Variants in CCDC7 observed in about 807,000 individuals in gnomAD.
CCDC7 encodes the protein coiled-coil domain containing 7.
A neutral mutation model predicts 196.9 loss-of-function variants in CCDC7; 183 were observed. That is an observed-to-expected ratio of 0.93 (90% CI 0.82 to 1.05). The LOEUF (loss-of-function observed/expected upper bound fraction) is 1.05, where lower values mean the gene tolerates loss of function less well. Ranked by LOEUF, CCDC7 falls within the 50% of genes least tolerant of loss-of-function variation. CCDC7 has a pLI of 0.00. For synonymous variants in CCDC7, 525 were observed against 484.6 expected, an observed-to-expected ratio of 1.08 and a Z score of -1.10; for missense variants, 1,540 against 1,482.2, an observed-to-expected ratio of 1.04 and a Z score of -0.64.
At chr10:32,703,108 A>G (rs540271425) in intron 24 of CCDC7, among the ~76,000 whole-genome samples, 1 of 152,288 alleles carries the variant, frequency 6.6e-6, no homozygotes, top group East Asian at 1.9e-4. Context: ...TCTTCCTAGC[A>G]TTGATGGTCT....
rs536166496 is a variant in CCDC7, at chr10:32,606,392, C to G, written c.1801+22088C>G. Reference sequence around the variant, plus strand: ...CACAGAGTCCCCAACAGGGTACTGCCTAGTGGAGTTATGGGAAGGGGCACT... The same window carrying G: ...CACAGAGTCCCCAACAGGGTACTGCGTAGTGGAGTTATGGGAAGGGGCACT... On this transcript the variant is annotated intron_variant, in intron 18 of 41. Transcript: ENST00000639629. 2.0e-5 allele frequency among the ~76,000 whole-genome samples: 3 copies of G among 152,320 alleles called. No individual in the cohort carries two copies. The South Asian group carries it at 6.2e-4, about 32-fold the overall frequency.
chr10:32,451,715 G>A lies in CCDC7; in HGVS notation c.73G>A (p.Gly25Arg), dbSNP rs201020026. ...TGTTCCAGCATTAACTACTAAAAAA[G>A]GACTACATAATTTACCATTATCACC... The change falls in exon 1 of 42, where the codon GGA (glycine) becomes AGA (arginine). Residue 25 changes from glycine to arginine, a missense_variant. By Grantham distance (125) the Gly-to-Arg change is moderately radical (BLOSUM62 -2). Coordinates refer to ENST00000639629, the Ensembl canonical transcript of CCDC7. 3 of 1,613,122 alleles carry A rather than the reference G, an allele frequency of 1.9e-6. No individual in the cohort carries two copies. Among genetic ancestry groups the A allele is most frequent in the Middle Eastern group, 1.7e-4 (1 of 6,054 alleles).
intron 20 of CCDC7, among the ~76,000 whole-genome samples, chr10:32,662,704 C>G (rs1227348327): frequency 6.6e-6 from 1 of 152,090 alleles, no homozygotes; most frequent in Non-Finnish European, 1.5e-5. Flanking sequence ...ATACTGGTGT[C>G]TTGGCAGTAG....
Position 32,777,654 on chromosome 10 carries a change from C to T in CCDC7, c.2906-1323C>T, listed in dbSNP as rs562972149. On this transcript the variant is annotated intron_variant, in intron 28 of 41. Coordinates refer to ENST00000639629, the Ensembl canonical transcript of CCDC7. Reference sequence around the variant, plus strand: ...GGTGGATCACTTGAGATCAAGAGTTCGAAACCAACCAGGCCAACATGGTGA... The same window carrying T: ...GGTGGATCACTTGAGATCAAGAGTTTGAAACCAACCAGGCCAACATGGTGA... 3.3e-5 allele frequency among the ~76,000 whole-genome samples: 5 copies of T among 151,870 alleles called. 1 individual carries two copies. The South Asian group carries it at 1.0e-3, about 32-fold the overall frequency.
intron 13 of CCDC7, among the ~76,000 whole-genome samples, chr10:32,561,508 G>A (rs536249809): frequency 4.5e-4 from 67 of 149,708 alleles, no homozygotes; most frequent in Middle Eastern, 3.5e-3. Context: ...ACTCAAAACC[G>A]CTCAACTACA....
chr10:32,558,188 G>T (rs1479725210), intron 13 of CCDC7, among the ~76,000 whole-genome samples: 1 of 151,942 alleles, frequency 6.6e-6, no homozygotes, highest in African/African-American at 2.4e-5. Flanking sequence ...TTCTTCAAAT[G>T]TCAAGTATTT....
In CCDC7 at chr10:32,589,187, A is replaced by G. The variant is rs192647840; in HGVS notation, c.1801+4883A>G. On this transcript the variant is annotated intron_variant, in intron 18 of 41. Coordinates refer to ENST00000639629, the Ensembl canonical transcript of CCDC7. ...CTGGTTAACCATCCTTCTACTCTCA[A>G]TGTCCATCCATGAGTTCAATTGTTT... is the stretch of plus-strand genomic sequence containing the variant. 1.9e-3 allele frequency among the ~76,000 whole-genome samples: 282 copies of G among 152,058 alleles called. 2 individuals carry two copies. The highest frequency in any genetic ancestry group is 3.0e-3 in the Non-Finnish European group (204 of 67,966).
intron 29 of CCDC7, among the ~76,000 whole-genome samples, chr10:32,798,914 C>T (rs1275888108): frequency 6.6e-6 from 1 of 152,194 alleles, no homozygotes; most frequent in Non-Finnish European, 1.5e-5. Context: ...TCATAGGGAA[C>T]TCCCCATGGG....
At chr10:32,856,049 C>G (rs1183127969) in intron 41 of CCDC7, among the ~76,000 whole-genome samples, 1 of 152,100 alleles carries the variant, frequency 6.6e-6, no homozygotes, top group Non-Finnish European at 1.5e-5. Context: ...ACGTTGTGCC[C>G]TTTATCTTAC....
chr10:32,834,660 CTT>C (rs5784305), intron 32 of CCDC7, among the ~76,000 whole-genome samples, 153 bp from the exon 34 acceptor site: 4 of 143,816 alleles, frequency 2.8e-5, no homozygotes, highest in Non-Finnish European at 3.1e-5. Flanking sequence ...CAGTCCAGTG[CTT>C]TTTTTTTTTT....
intron 24 of CCDC7, among the ~76,000 whole-genome samples, chr10:32,695,722 T>C (rs1192922345): frequency 2.6e-5 from 4 of 152,062 alleles, no homozygotes; most frequent in Admixed American, 1.3e-4. Flanking sequence ...ACATTAAAGG[T>C]GTAATGCAGC....
chr10:32,602,188 G>A (rs948134837), intron 18 of CCDC7, among the ~76,000 whole-genome samples: 2 of 151,444 alleles, frequency 1.3e-5, no homozygotes, highest in East Asian at 1.9e-4. Flanking sequence ...CTCCAGATGC[G>A]CCACCTTTAA....
chr10:32,663,796 TATAA>T (rs201050585), intron 20 of CCDC7, among the ~76,000 whole-genome samples: 5,541 of 152,018 alleles, frequency 0.036, 108 homozygotes, highest in Non-Finnish European at 0.05. Context: ...TAATCTAAAT[TATAA>T]ATAATTAAGA....
At chr10:32,543,172 A>G in intron 11 of CCDC7, 128 bp from the exon 13 acceptor site, 3 of 966,296 alleles carry the variant, frequency 3.1e-6, no homozygotes, top group Non-Finnish European at 2.7e-6. Flanking sequence ...CTATGCAGAT[A>G]ATTTTTCCTG....
intron 13 of CCDC7, among the ~76,000 whole-genome samples, chr10:32,560,243 A>C (rs2055213162): frequency 6.6e-6 from 1 of 152,246 alleles, no homozygotes; most frequent in Non-Finnish European, 1.5e-5. Context: ...GTTGGAAAAC[A>C]CTCTGCAAGA....
intron 20 of CCDC7, among the ~76,000 whole-genome samples, chr10:32,651,674 G>A (rs1289050351): frequency 6.6e-6 from 1 of 152,102 alleles, no homozygotes; most frequent in Non-Finnish European, 1.5e-5. Context: ...TGGAGGAAAA[G>A]TTTATTGCAG....
intron 32 of CCDC7, among the ~76,000 whole-genome samples, chr10:32,829,424 A>G (rs1414495049): frequency 1.3e-5 from 2 of 152,252 alleles, no homozygotes; most frequent in Non-Finnish European, 2.9e-5. Context: ...CTTTTGTTAA[A>G]AACACATTTG....
At chr10:32,565,026 C>G (rs951846270) in intron 13 of CCDC7, among the ~76,000 whole-genome samples, 1 of 152,084 alleles carries the variant, frequency 6.6e-6, no homozygotes, top group Non-Finnish European at 1.5e-5. Flanking sequence ...CTTGATTGTT[C>G]TCCTATTGTT....
At chr10:32,684,329 C>T (rs762735354) in intron 21 of CCDC7, among the ~76,000 whole-genome samples, 1 of 152,312 alleles carries the variant, frequency 6.6e-6, no homozygotes, top group African/African-American at 2.4e-5. Flanking sequence ...AATAGCGGCT[C>T]TGCGGAGACT....
Sources: gnomAD v4.1 joint callset for allele counts (sites outside exome capture counted in the v4.1 genomes callset) on GRCh38, gnomAD v4.1.1 for gene constraint, MANE v1.5 for transcripts, NCBI Gene and HGNC (gene_info 2026-07-23, HGNC 2026-07-21) for gene names.